Variants in TAFA2 observed in about 807,000 individuals in gnomAD.
TAFA2 encodes TAFA chemokine like family member 2.
Under a neutral mutation model 18.8 loss-of-function variants are expected in TAFA2, and 7 were observed. The ratio of observed to expected loss-of-function variants is 0.37; its 90% CI spans 0.21 to 0.70. TAFA2 has a LOEUF of 0.70. Among genes scored for constraint, TAFA2 ranks in the 30% least tolerant of loss-of-function variants. The pLI is 0.53. For synonymous variants in TAFA2, 60 were observed against 54.2 expected (o/e 1.11, Z -0.47); for missense variants, 122 against 158.1 (o/e 0.77, Z 1.23).
At chr12:61,925,119 T>C (rs1877230311) in intron 1 of TAFA2, among the ~76,000 whole-genome samples, 1 of 152,044 alleles carries the variant, frequency 6.6e-6, no homozygotes. Context: ...ACACTTAGAA[T>C]CCCACACAAT....
intron 1 of TAFA2, among the ~76,000 whole-genome samples, chr12:62,080,581 T>C (rs1868303700): frequency 6.6e-6 from 1 of 152,180 alleles, no homozygotes; most frequent in Non-Finnish European, 1.5e-5. Flanking sequence ...CTGGTATGGC[T>C]TCTCTGATTT....
intron 1 of TAFA2, among the ~76,000 whole-genome samples, chr12:61,906,882 T>G (rs1201453379): frequency 6.6e-6 from 1 of 152,212 alleles, no homozygotes; most frequent in Non-Finnish European, 1.5e-5. Context: ...TCTAGAGATC[T>G]GTGAAAGTTT....
intron 1 of TAFA2, among the ~76,000 whole-genome samples, chr12:61,965,649 A>G (rs189305978): frequency 1.3e-5 from 2 of 152,044 alleles, no homozygotes; most frequent in Non-Finnish European, 2.9e-5. Context: ...ACTGAATTTC[A>G]GCAGCAACAA....
intron 2 of TAFA2, among the ~76,000 whole-genome samples, chr12:61,794,119 T>C (rs562043873): frequency 1.3e-5 from 2 of 152,036 alleles, no homozygotes; most frequent in South Asian, 4.1e-4. Flanking sequence ...AGACTGAACA[T>C]TTTTTTCTAA....
At chr12:62,234,875 G>A (rs532409899) in intron 1 of TAFA2, 20 of 1,033,014 alleles carry the variant, frequency 1.9e-5, no homozygotes, top group East Asian at 7.9e-5. Flanking sequence ...GACTCAGCTC[G>A]GGGCATCCCA....
chr12:61,897,118 A>G (rs1336000125), intron 1 of TAFA2, among the ~76,000 whole-genome samples: 1 of 152,204 alleles, frequency 6.6e-6, no homozygotes. Flanking sequence ...CCAATTTAAT[A>G]ACAATAACAT....
chr12:61,996,100 C>T (rs1450146479), intron 1 of TAFA2, among the ~76,000 whole-genome samples: 2 of 151,252 alleles, frequency 1.3e-5, no homozygotes, highest in African/African-American at 4.9e-5. Flanking sequence ...CTTAAGGGTA[C>T]TATAAAAATA....
At chr12:62,021,474 C>CTTTTTTTTTTTTTTTTTTTTTTTTTTTTT in intron 1 of TAFA2, 1 of 418,754 alleles carries the variant, frequency 2.4e-6, no homozygotes, top group Non-Finnish European at 4.5e-6. Context: ...CTGCATCATT[C>CTTTTTTTTTTTTTTTTTTTTTTTTTTTTT]TTTTTTTTTT....
chr12:61,753,668 C>T lies in TAFA2; in HGVS notation c.338G>A (p.Arg113Gln), dbSNP rs569347374. 54 of 1,612,490 alleles carry T rather than the reference C, an allele frequency of 3.3e-5. No homozygotes were observed. The highest frequency in any genetic ancestry group is 8.0e-5 in the African/African-American group (6 of 74,828). The change falls in exon 4 of 5, where the codon CGG becomes CAG. Residue 113 changes from arginine (R) to glutamine (Q), a missense_variant. Coordinates refer to ENST00000416284, the MANE Select transcript of TAFA2 (RefSeq NM_178539.5). ...EGEECKVLPD[R>Q]KGWSCSSGNK... ...CCCAGAGGAACAGCTCCATCCTTTCCGATCCGGAAGAACTTTACATTCTTC... is the reference window on the plus strand; with the variant it reads ...CCCAGAGGAACAGCTCCATCCTTTCTGATCCGGAAGAACTTTACATTCTTC...
rs796346938 is a variant in TAFA2 at position 62,249,064 on chromosome 12, A to AT, written c.-130+9698dup. On this transcript the variant is annotated intron_variant, in intron 1 of 5. Transcript: ENST00000551619. ...CATGCCCCAGGGTAATTGTTTAAAAATTTTTTTTTTTCATTCCTTCCCTGT... is the reference window on the plus strand; with the variant it reads ...CATGCCCCAGGGTAATTGTTTAAAAATTTTTTTTTTTTCATTCCTTCCCTGT... Among the ~76,000 whole-genome samples, 14 of 149,284 alleles carry AT rather than the reference A, an allele frequency of 9.4e-5. No homozygotes were observed. The East Asian group carries it at 1.2e-3, about 13-fold the overall frequency.
intron 1 of TAFA2, among the ~76,000 whole-genome samples, chr12:62,048,680 C>T (rs1044664148): frequency 2.4e-4 from 37 of 152,108 alleles, no homozygotes; most frequent in Admixed American, 2.4e-3. Flanking sequence ...CCACTAGTGT[C>T]ATTTTATTAT....
At chr12:62,160,889 G>A (rs1033130831) in intron 1 of TAFA2, among the ~76,000 whole-genome samples, 1 of 152,124 alleles carries the variant, frequency 6.6e-6, no homozygotes, top group African/African-American at 2.4e-5. Flanking sequence ...TGCACCCTGA[G>A]CTGTGGGAGA....
At chr12:62,222,858 C>A (rs1426948366) in intron 1 of TAFA2, among the ~76,000 whole-genome samples, 1 of 151,962 alleles carries the variant, frequency 6.6e-6, no homozygotes, top group Non-Finnish European at 1.5e-5. Flanking sequence ...CAAAGAAATG[C>A]AATGTCTTCA....
intron 1 of TAFA2, among the ~76,000 whole-genome samples, chr12:61,924,718 G>A (rs1191416986): frequency 6.6e-6 from 1 of 152,144 alleles, no homozygotes; most frequent in Non-Finnish European, 1.5e-5. Context: ...CATAATGACA[G>A]GATCAAATTC....
intron 1 of TAFA2, among the ~76,000 whole-genome samples, chr12:61,916,752 G>A (rs1465807210): frequency 2.0e-5 from 3 of 152,126 alleles, no homozygotes; most frequent in Non-Finnish European, 2.9e-5. Context: ...AGTTAATCTG[G>A]AGTGTAGATT....
At chr12:62,246,958 G>A (rs2062889510) in intron 1 of TAFA2, among the ~76,000 whole-genome samples, 1 of 151,770 alleles carries the variant, frequency 6.6e-6, no homozygotes, top group Non-Finnish European at 1.5e-5. Flanking sequence ...AAGAACCTCT[G>A]ATTTTTAACA....
chr12:61,983,417 GT>G (rs1380437460), intron 1 of TAFA2, among the ~76,000 whole-genome samples: 3 of 151,902 alleles, frequency 2.0e-5, no homozygotes, highest in Admixed American at 6.6e-5. Context: ...GTTTTGTTTT[GT>G]TTTGTTTTGG....
chr12:62,236,917 T>C (rs1592414194), intron 1 of TAFA2, among the ~76,000 whole-genome samples: 1 of 152,334 alleles, frequency 6.6e-6, no homozygotes, highest in East Asian at 1.9e-4. Flanking sequence ...ATTATACGCC[T>C]TGAGGTAGTC....
intron 1 of TAFA2, among the ~76,000 whole-genome samples, chr12:61,930,976 GC>G (rs1313845465): frequency 6.6e-6 from 1 of 152,168 alleles, no homozygotes. Flanking sequence ...TTCCATTCAA[GC>G]CTGGTGATAG....
Sources: gnomAD v4.1 joint callset for allele counts (sites outside exome capture counted in the v4.1 genomes callset) on GRCh38, gnomAD v4.1.1 for gene constraint, MANE v1.5 for transcripts, NCBI Gene and HGNC (gene_info 2026-07-23, HGNC 2026-07-21) for gene names.